USP13: variants seen among roughly 807,000 people sequenced by gnomAD.
The protein encoded by USP13 is ubiquitin carboxyl-terminal hydrolase 13.
In USP13, 68 loss-of-function variants were observed where a neutral mutation model predicts 107.8. The ratio of observed to expected loss-of-function variants is 0.63; its 90% CI spans 0.52 to 0.77. The LOEUF (loss-of-function observed/expected upper bound fraction) is 0.77, where lower values mean the gene tolerates loss of function less well. USP13 is among the 30% of genes least tolerant of loss of function. USP13 has a pLI of 0.00. For missense variants in USP13, 945 were observed against 1,093.3 expected, an observed-to-expected ratio of 0.86 and a Z score of 1.91; for synonymous variants, 377 against 389.5, an observed-to-expected ratio of 0.97 and a Z score of 0.38.
In USP13 at chr3:179,721,673, C is replaced by G. The variant is rs1713324488; in HGVS notation, c.1088+84C>G. ...GTCCACTCAGTGTGCGCTGCGAAGCCCATCTTTATTGCTTCAGGACATTTT... is the reference window on the plus strand; with the variant it reads ...GTCCACTCAGTGTGCGCTGCGAAGCGCATCTTTATTGCTTCAGGACATTTT... On this transcript the variant is annotated intron_variant, in intron 8 of 20. Transcript: ENST00000263966. The surrounding 1 kb of genome is among the most constrained non-coding windows in gnomAD (Gnocchi z 4.3). 7.6e-6 allele frequency: 11 copies of G among 1,448,352 alleles called. No homozygotes were observed. The highest frequency in any genetic ancestry group is 1.0e-5 in the Non-Finnish European group (11 of 1,073,368). The allele number at this position is 1,448,352 out of a possible 1,614,324, so 89.7% of individuals were successfully genotyped here.
intron 6 of USP13, 88 bp from the exon 7 acceptor site, chr3:179,719,852 G>T (rs1713243405): frequency 9.3e-7 from 1 of 1,074,040 alleles, no homozygotes; most frequent in Non-Finnish European, 1.4e-6. Context: ...GCCCAAGCCT[G>T]GTGTACAGTA....
chr3:179,659,162 G>C (rs897125929), intron 1 of USP13, among the ~76,000 whole-genome samples: 1 of 152,170 alleles, frequency 6.6e-6, no homozygotes, highest in Non-Finnish European at 1.5e-5. Context: ...TGGAAACTCT[G>C]ATGGACAGGG....
At chr3:179,690,615 T>G (rs529390913) in intron 3 of USP13, among the ~76,000 whole-genome samples, 1 of 152,306 alleles carries the variant, frequency 6.6e-6, no homozygotes, top group Admixed American at 6.5e-5. Context: ...CTCTCTCGCC[T>G]AGGCTGGAAT....
intron 1 of USP13, among the ~76,000 whole-genome samples, chr3:179,665,876 G>A (rs1720572021): frequency 6.6e-6 from 1 of 152,140 alleles, no homozygotes; most frequent in South Asian, 2.1e-4. Flanking sequence ...ATGAGCCACT[G>A]CACCCAGCTG....
chr3:179,675,345 C>G (rs1720864132), intron 1 of USP13, among the ~76,000 whole-genome samples: 1 of 151,350 alleles, frequency 6.6e-6, no homozygotes, highest in South Asian at 2.1e-4. Context: ...TAATTTTCTT[C>G]TATACTGATG....
intron 8 of USP13, among the ~76,000 whole-genome samples, chr3:179,726,749 C>G (rs1713528954): frequency 6.6e-6 from 1 of 151,812 alleles, no homozygotes; most frequent in South Asian, 2.1e-4. Flanking sequence ...ACAATCACGG[C>G]TCACTGCAGC....
chr3:179,682,742 A>G (rs1345415355), intron 2 of USP13, among the ~76,000 whole-genome samples: 1 of 152,078 alleles, frequency 6.6e-6, no homozygotes. Flanking sequence ...GATCATTTCT[A>G]TTTTTTGCTA....
chr3:179,684,755 T>C (rs1233628949), intron 2 of USP13, among the ~76,000 whole-genome samples: 1 of 143,242 alleles, frequency 7.0e-6, no homozygotes, highest in East Asian at 2.1e-4. Flanking sequence ...CAAGCACTTT[T>C]TCCATGTTTA....
At chr3:179,655,176 A>T (rs567307642) in intron 1 of USP13, among the ~76,000 whole-genome samples, 1 of 152,306 alleles carries the variant, frequency 6.6e-6, no homozygotes, top group East Asian at 1.9e-4. Context: ...CAACATGGAA[A>T]GTGGGTCAAA....
intron 10 of USP13, among the ~76,000 whole-genome samples, chr3:179,739,445 A>T (rs1285978591): frequency 1.3e-5 from 2 of 152,168 alleles, no homozygotes; most frequent in Non-Finnish European, 2.9e-5. Context: ...GGGCCGTGCA[A>T]TGCCATTTTT....
chr3:179,765,808 G>A lies in USP13; in HGVS notation c.2373G>A (p.Glu791=), dbSNP rs779086365. The A allele has an allele frequency of 1.2e-6, 2 of 1,614,142 alleles. No homozygotes were observed. Among genetic ancestry groups the A allele is most frequent in the South Asian group, 1.1e-5 (1 of 91,076 alleles). ...ATGCCAATGCAAACATTATTTCTGA[G>A]GCCAAGCCCGAAGGACCTAGAGTCA... The part of the protein sequence containing the change: ...ENNANANIIS[E]AKPEGPRVKD... The change falls in exon 19 of 21, where the codon GAG becomes GAA. Residue 791 remains glutamate, a synonymous_variant. Transcript: ENST00000263966.
rs1333260707 is a variant in USP13, at chr3:179,786,511, TTCTTC to T, written c.*2372_*2376del. On this transcript the variant is annotated 3_prime_UTR_variant, in exon 21 of 21. Coordinates refer to ENST00000263966, the MANE Select transcript of USP13 (RefSeq NM_003940.3). Reference sequence around the variant, plus strand: ...AAAAAAATTGTGCTATGGCTGCCTTTTCTTCTGCCCCACAACACAAAGGGCTATTT... The same window carrying T: ...AAAAAAATTGTGCTATGGCTGCCTTTTGCCCCACAACACAAAGGGCTATTT... 6.6e-6 allele frequency: 1 copy of T among 152,340 alleles called. No individual in the cohort carries two copies. Among genetic ancestry groups the T allele is most frequent in the African/African-American group, 2.4e-5 (1 of 41,472 alleles). The allele number at this position is 152,340 out of a possible 1,614,324, so 9.4% of individuals were successfully genotyped here.
intron 16 of USP13, 79 bp downstream of exon 16, chr3:179,757,157 A>G: frequency 6.6e-7 from 1 of 1,518,906 alleles, no homozygotes. Flanking sequence ...AGTTCAGTAA[A>G]GAGGCATTGT....
chr3:179,769,532 C>T (rs1241321456), intron 19 of USP13, among the ~76,000 whole-genome samples: 5 of 152,092 alleles, frequency 3.3e-5, no homozygotes, highest in Non-Finnish European at 5.9e-5. Context: ...CTCAGCCTCT[C>T]GAGTAACTGG....
intron 1 of USP13, among the ~76,000 whole-genome samples, chr3:179,658,223 T>G (rs533946394): frequency 3.5e-4 from 54 of 152,274 alleles, no homozygotes; most frequent in East Asian, 1.2e-3. Flanking sequence ...CAAAGTGCTG[T>G]GATTACAGGC....
At chr3:179,672,285 A>G (rs1720771206) in intron 1 of USP13, among the ~76,000 whole-genome samples, 1 of 152,228 alleles carries the variant, frequency 6.6e-6, no homozygotes, top group African/African-American at 2.4e-5. Flanking sequence ...AAAGTAGCAA[A>G]TGAATGGCTA....
At position 179,745,038 on chromosome 3, in the gene USP13, C is replaced by T. The variant is rs530039624; in HGVS notation, c.1535-5C>T. 6.2e-7 allele frequency: 1 copy of T among 1,614,048 alleles called. No individual in the cohort carries two copies. On this transcript the variant is annotated splice_region_variant and splice_polypyrimidine_tract_variant and intron_variant, in intron 12 of 20. Coordinates refer to ENST00000263966, the MANE Select transcript of USP13 (RefSeq NM_003940.3). ...GCAAGGTCTTTGATTTGCTCTTTCA[C>T]CCAGATGAACTGATCGCTTATGAAC...
chr3:179,659,866 A>G (rs1720405224), intron 1 of USP13, among the ~76,000 whole-genome samples: 1 of 152,028 alleles, frequency 6.6e-6, no homozygotes, highest in Non-Finnish European at 1.5e-5. Context: ...ACATGGTGAA[A>G]CCCCGTCTCT....
intron 15 of USP13, among the ~76,000 whole-genome samples, chr3:179,756,718 A>T (rs1714815466): frequency 6.6e-6 from 1 of 152,202 alleles, no homozygotes; most frequent in South Asian, 2.1e-4. Context: ...TGATTGCTGT[A>T]CCACCCTCTG....
Sources: allele counts gnomAD v4.1 joint callset (sites outside exome capture counted in the v4.1 genomes callset), GRCh38; gene constraint gnomAD v4.1.1; non-coding constraint Gnocchi (gnomAD v3.1); transcripts MANE v1.5; gene names NCBI Gene and HGNC (gene_info 2026-07-23, HGNC 2026-07-21).